MECOM: variants seen among roughly 807,000 people sequenced by gnomAD.
The protein encoded by MECOM is MDS1 and EVI1 complex locus.
In MECOM, 13 loss-of-function variants were observed where a neutral mutation model predicts 116.3. The ratio of observed to expected loss-of-function variants is 0.11; its 90% CI spans 0.07 to 0.18. The LOEUF is 0.18. MECOM is among the 10% of genes least tolerant of loss of function. The probability of loss-of-function intolerance (pLI) is 1.00; values close to 1 mark genes in which losing one functional copy is unlikely to be tolerated. For missense variants in MECOM, 1,299 were observed against 1,509.0 expected (o/e 0.86, Z 2.31); for synonymous variants, 528 against 535.2 (o/e 0.99, Z 0.19).
At chr3:169,258,567 G>A (rs756664035) in intron 2 of MECOM, among the ~76,000 whole-genome samples, 1 of 152,106 alleles carries the variant, frequency 6.6e-6, no homozygotes, top group African/African-American at 2.4e-5. Context: ...AACTCTTCTT[G>A]GCTCCTTTCT....
chr3:169,211,209 T>C (rs1404081595), intron 2 of MECOM, among the ~76,000 whole-genome samples: 1 of 152,152 alleles, frequency 6.6e-6, no homozygotes, highest in East Asian at 1.9e-4. Context: ...TTTACATTCC[T>C]ACCAGCAACG....
At chr3:169,276,685 T>C (rs1759625912) in intron 2 of MECOM, among the ~76,000 whole-genome samples, 1 of 152,152 alleles carries the variant, frequency 6.6e-6, no homozygotes, top group African/African-American at 2.4e-5. Flanking sequence ...TACTAGATCT[T>C]CTTTATGCCT....
At chr3:169,425,002 T>C (rs1740399774) in intron 1 of MECOM, among the ~76,000 whole-genome samples, 1 of 151,974 alleles carries the variant, frequency 6.6e-6, no homozygotes, top group Non-Finnish European at 1.5e-5. Context: ...CAACACCATA[T>C]ATTCAGCTTA....
intron 1 of MECOM, among the ~76,000 whole-genome samples, chr3:169,552,894 A>G (rs1761580311): frequency 6.6e-6 from 1 of 151,968 alleles, no homozygotes; most frequent in African/African-American, 2.4e-5. Flanking sequence ...CTAAATCATG[A>G]TACAGCAAGC....
At chr3:169,542,773 C>T (rs550045164) in intron 1 of MECOM, among the ~76,000 whole-genome samples, 61 of 152,294 alleles carry the variant, frequency 4.0e-4, no homozygotes, top group Non-Finnish European at 7.6e-4. Context: ...AAAAAAATAT[C>T]CTAACTGCTG....
chr3:169,432,534 T>C (rs1356628446), intron 1 of MECOM, among the ~76,000 whole-genome samples: 1 of 152,154 alleles, frequency 6.6e-6, no homozygotes, highest in Non-Finnish European at 1.5e-5. Context: ...TGTCAATGTC[T>C]CCCTCTCTAA....
intron 1 of MECOM, among the ~76,000 whole-genome samples, chr3:169,580,606 A>G (rs563174814): frequency 6.6e-6 from 1 of 152,326 alleles, no homozygotes; most frequent in South Asian, 2.1e-4. Flanking sequence ...CTTTTGTGTG[A>G]TATCTATTTT....
rs535590776 is a variant in MECOM, at chr3:169,633,394, T to A, written c.37+29942A>T. ...TTCCCATTTATCTCATACTTACACA[T>A]CTTAGCAGAAGATAGATGTGTGCGT... is the stretch of plus-strand genomic sequence containing the variant. On this transcript the variant is annotated intron_variant, in intron 1 of 16. Coordinates refer to ENST00000651503, the MANE Select transcript of MECOM (RefSeq NM_004991.4). Among the ~76,000 whole-genome samples the A allele has an allele frequency of 2.6e-5, 4 of 152,260 alleles. No homozygotes were observed. In the East Asian group the frequency reaches 5.8e-4, roughly 22 times the overall value.
At position 169,483,887 on chromosome 3, in the gene MECOM, A is replaced by T. The variant is rs1020716516; in HGVS notation, c.38-102363T>A. 38 of 1,610,278 alleles carry T rather than the reference A, an allele frequency of 2.4e-5. No individual in the cohort carries two copies. In the Admixed American group the frequency reaches 6.3e-4, roughly 27 times the overall value. ...TCCTTTCGATGGTCACCACCCCTCC[A>T]CCAAGGTTCCCAGCTTTTCCGTTCA... On this transcript the variant is annotated intron_variant, in intron 1 of 16. Coordinates refer to ENST00000651503, the MANE Select transcript of MECOM (RefSeq NM_004991.4).
rs1401243361 is a variant in MECOM at position 169,372,978 on chromosome 3, T to A, written c.375+8209A>T. Among the ~76,000 whole-genome samples, 5 of 151,986 alleles carry A rather than the reference T, an allele frequency of 3.3e-5. No individual in the cohort carries two copies. In the East Asian group the frequency reaches 9.7e-4, roughly 29 times the overall value. ...CAATGTTACTACATTGTGGGCACTT[T>A]TAGAAGGAAACATGAGAAAAACCTC... On this transcript the variant is annotated intron_variant, in intron 2 of 16. Transcript: ENST00000651503.
At chr3:169,222,995 A>G (rs954367520) in intron 2 of MECOM, among the ~76,000 whole-genome samples, 3 of 152,190 alleles carry the variant, frequency 2.0e-5, no homozygotes, top group Non-Finnish European at 4.4e-5. Context: ...GGATCACAGA[A>G]GAACCATTCT....
At chr3:169,659,371 C>T (rs1266283727) in intron 1 of MECOM, among the ~76,000 whole-genome samples, 1 of 150,470 alleles carries the variant, frequency 6.6e-6, no homozygotes, top group Non-Finnish European at 1.5e-5. Flanking sequence ...AGCTAATGAA[C>T]CGTTCCCTTC....
intron 1 of MECOM, among the ~76,000 whole-genome samples, chr3:169,497,457 C>T (rs6444853): frequency 0.52 from 78,156 of 151,602 alleles, 21,470 homozygotes; most frequent in African/African-American, 0.72. Flanking sequence ...GTGATTCTCC[C>T]GCCTCAGCCT....
At chr3:169,518,421 AT>A (rs1756961409) in intron 1 of MECOM, among the ~76,000 whole-genome samples, 1 of 151,970 alleles carries the variant, frequency 6.6e-6, no homozygotes, top group Non-Finnish European at 1.5e-5. Flanking sequence ...GTTTAGCAGC[AT>A]TTTTTCCTGG....
At chr3:169,527,465 C>T (rs1758092104) in intron 1 of MECOM, among the ~76,000 whole-genome samples, 1 of 152,086 alleles carries the variant, frequency 6.6e-6, no homozygotes, top group Non-Finnish European at 1.5e-5. Flanking sequence ...CTACTTAAGC[C>T]CCACGCAGTT....
chr3:169,089,183 C>T lies in MECOM; in HGVS notation c.3402G>A (p.Arg1134=). 1.3e-6 allele frequency: 2 copies of T among 1,504,092 alleles called. No individual in the cohort carries two copies. Among genetic ancestry groups the T allele is most frequent in the African/African-American group, 2.9e-5 (2 of 69,924 alleles). The allele number at this position is 1,504,092 out of a possible 1,614,324, so 93.2% of individuals were successfully genotyped here. ...LEMSCKTSPV[R]YKEEEYKSGL... The stretch of plus-strand genomic sequence containing the variant: ...CACTTTTATATTCTTCCTCTTTATA[C>T]CTAAAATGAACCAACGAAAAACACA... The change falls in exon 16 of 17, where the codon AGG becomes AGA. Residue 1134 remains arginine, a splice_region_variant and synonymous_variant. Transcript: ENST00000651503.
chr3:169,333,862 T>TTCCTTCCTTCCTTCTC lies in MECOM; in HGVS notation c.375+47309_375+47324dup, dbSNP rs1241333856. ...CTACCTCCCCGCCTTCCTTCCTTCT[T>TTCCTTCCTTCCTTCTC]TCCTTCCTTCCTTCTCTCCTTCCTT... On this transcript the variant is annotated intron_variant, in intron 2 of 16. Coordinates refer to ENST00000651503, the MANE Select transcript of MECOM (RefSeq NM_004991.4). Among the ~76,000 whole-genome samples, 956 of 144,832 alleles carry TTCCTTCCTTCCTTCTC rather than the reference T, an allele frequency of 6.6e-3. 20 individuals carry two copies. Among genetic ancestry groups the TTCCTTCCTTCCTTCTC allele is most frequent in the African/African-American group, 0.024 (903 of 38,366 alleles).
intron 2 of MECOM, among the ~76,000 whole-genome samples, chr3:169,280,116 A>T (rs1711604821): frequency 6.6e-6 from 1 of 152,172 alleles, no homozygotes; most frequent in Non-Finnish European, 1.5e-5. Flanking sequence ...ATAAATTGGC[A>T]AGAAGGGAAA....
intron 1 of MECOM, among the ~76,000 whole-genome samples, chr3:169,397,045 T>C (rs1041242443): frequency 1.1e-4 from 17 of 152,186 alleles, no homozygotes; most frequent in Admixed American, 1.0e-3. Context: ...TAGAGTAATA[T>C]ACAAATGCCA....
Sources: gnomAD v4.1 joint callset for allele counts (sites outside exome capture counted in the v4.1 genomes callset) on GRCh38, gnomAD v4.1.1 for gene constraint, MANE v1.5 for transcripts, NCBI Gene and HGNC (gene_info 2026-07-23, HGNC 2026-07-21) for gene names.